Variants in PLEKHG4B observed in about 807,000 individuals in gnomAD.
PLEKHG4B encodes the protein pleckstrin homology and RhoGEF domain containing G4B.
Under a neutral mutation model 121.3 loss-of-function variants are expected in PLEKHG4B, and 111 were observed. The ratio of observed to expected loss-of-function variants is 0.92; its 90% CI spans 0.78 to 1.07. The LOEUF is 1.07. Among genes scored for constraint, PLEKHG4B ranks in the 50% least tolerant of loss-of-function variants. The pLI, the probability that PLEKHG4B is intolerant of heterozygous loss-of-function variation, is 0.00. For synonymous variants in PLEKHG4B, 738 were observed against 725.0 expected (o/e 1.02, Z -0.29); for missense variants, 1,831 against 1,757.8 (o/e 1.04, Z -0.74).
At position 125,511 on chromosome 5, in the gene PLEKHG4B, TAC is replaced by T. The variant is rs1734587013; in HGVS notation, c.243+12065_243+12066del. ...CTTTTGGTTGCTGATGTCAGAAAAT[TAC>T]ATCTTTATACTTTATTAGTATGAAG... is the stretch of plus-strand genomic sequence containing the variant. On this transcript the variant is annotated intron_variant, in intron 2 of 19. Coordinates refer to ENST00000637938, the MANE Select transcript of PLEKHG4B (RefSeq NM_052909.5). 2.0e-5 allele frequency among the ~76,000 whole-genome samples: 3 copies of T among 152,294 alleles called. No homozygotes were observed. In the East Asian group the frequency reaches 5.8e-4, roughly 29 times the overall value.
At chr5:170,559 C>T (rs1480776084) in intron 14 of PLEKHG4B, among the ~76,000 whole-genome samples, 1 of 152,210 alleles carries the variant, frequency 6.6e-6, no homozygotes, top group Admixed American at 6.5e-5. Flanking sequence ...TTCAGCCTCC[C>T]AAAGTGCTGG....
intron 1 of PLEKHG4B, among the ~76,000 whole-genome samples, chr5:92,739 G>A (rs889726267): frequency 2.0e-5 from 3 of 151,968 alleles, no homozygotes; most frequent in African/African-American, 7.3e-5. Context: ...CAGGGGAGGG[G>A]AGTCTGAAAT....
chr5:180,899 C>T (rs1047315444), intron 18 of PLEKHG4B, among the ~76,000 whole-genome samples: 5 of 152,234 alleles, frequency 3.3e-5, no homozygotes, highest in Admixed American at 2.6e-4. Context: ...CTGTAGCACA[C>T]ACACACCGCA....
At chr5:102,587 C>T (rs115521915) in intron 1 of PLEKHG4B, among the ~76,000 whole-genome samples, 266 of 152,304 alleles carry the variant, frequency 1.7e-3, no homozygotes, top group African/African-American at 5.7e-3. Flanking sequence ...CTGTAAGACA[C>T]GAGTTCCCCT....
At chr5:111,469 C>T (rs1410042740) in intron 1 of PLEKHG4B, among the ~76,000 whole-genome samples, 6 of 152,206 alleles carry the variant, frequency 3.9e-5, no homozygotes, top group South Asian at 2.1e-4. Context: ...TTCCTTATGT[C>T]GGGCGGTTGA....
chr5:136,293 C>A (rs990672118), intron 2 of PLEKHG4B, among the ~76,000 whole-genome samples: 1 of 152,104 alleles, frequency 6.6e-6, no homozygotes, highest in African/African-American at 2.4e-5. Context: ...ACCAAAAGCA[C>A]AACCATCAAA....
intron 1 of PLEKHG4B, among the ~76,000 whole-genome samples, chr5:108,217 A>G (rs1347198788): frequency 1.3e-5 from 2 of 152,178 alleles, no homozygotes; most frequent in African/African-American, 2.4e-5. Flanking sequence ...AAGTCAGTGC[A>G]TTAGGAACCA....
intron 18 of PLEKHG4B, 36 bp downstream of exon 18, chr5:174,134 A>C: frequency 3.0e-6 from 4 of 1,319,584 alleles, no homozygotes; most frequent in South Asian, 1.3e-5. Flanking sequence ...TGCCAGGCTC[A>C]GGGGCACAGC....
chr5:156,824 G>T lies in PLEKHG4B; in HGVS notation c.2400G>T (p.Val800=). The T allele has an allele frequency of 6.3e-7, 1 of 1,590,484 alleles. No individual in the cohort carries two copies. Among genetic ancestry groups the T allele is most frequent in the Non-Finnish European group, 8.6e-7 (1 of 1,169,056 alleles). Residue 800 remains valine (V), a synonymous_variant, in exon 11 of 20, where the codon GTG becomes GTT. Coordinates refer to ENST00000637938, the MANE Select transcript of PLEKHG4B (RefSeq NM_052909.5). The surrounding 1 kb of genome is among the most constrained non-coding windows in gnomAD (Gnocchi z 4.4). ...TSLYDRVDEE[V]HRLVLTSNNR... is the part of the protein sequence containing the mutation. ...TGTACGACCGAGTGGATGAGGAGGT[G>T]CACAGGCTGGTCCTCACCTCGAACA...
At position 140,132 on chromosome 5, in the gene PLEKHG4B, C is replaced by T; in HGVS notation, c.893C>T (p.Pro298Leu). ...AAGGTCAGCCCCTCAGAGCAGGGCCCACGGATGCCCCCTGAGAACTGTGGG... is the reference window on the plus strand; with the variant it reads ...AAGGTCAGCCCCTCAGAGCAGGGCCTACGGATGCCCCCTGAGAACTGTGGG... ...FEKVSPSEQG[P>L]RMPPENCGGS... Residue 298 changes from proline (P) to leucine (L), a missense_variant, in exon 3 of 20, where the codon CCA becomes CTA. Pro to Leu is a moderately conservative substitution (Grantham distance 98). Transcript: ENST00000637938. 1.6e-6 allele frequency: 1 copy of T among 619,764 alleles called. No individual in the cohort carries two copies. Among genetic ancestry groups the T allele is most frequent in the Non-Finnish European group, 2.7e-6 (1 of 371,476 alleles). 38.4% of individuals were successfully genotyped at this position (619,764 alleles called of 1,614,324 possible).
chr5:189,854 C>T lies in PLEKHG4B; in HGVS notation c.*7531C>T, dbSNP rs1733742670. On this transcript the variant is annotated 3_prime_UTR_variant, in exon 20 of 20. Transcript: ENST00000637938. ...AAGGAAGGTTCTGGAAACCACTTTT[C>T]AGAACCCAAAAGGTGTCTGGGAAAT... The T allele has an allele frequency of 6.6e-6, 1 of 152,206 alleles. No homozygotes were observed. Among genetic ancestry groups the T allele is most frequent in the East Asian group, 1.9e-4 (1 of 5,184 alleles). 9.4% of individuals were successfully genotyped at this position (152,206 alleles called of 1,614,324 possible). A position where few individuals can be genotyped will look rare whatever the true frequency, so the allele number is the denominator to read the frequency against.
Position 154,880 on chromosome 5 carries a change from G to C in PLEKHG4B, c.1998G>C (p.Glu666Asp), listed in dbSNP as rs998640108. ...CGAGTGCCTCTTCTTGGCAGTGTGA[G>C]GTCGTGAGCTCCCTGAAGGCCGTGC... The part of the protein sequence containing the change: ...RPDKDAIIQC[E>D]VVSSLKAVHK... Residue 666 changes from glutamate (E) to aspartate (D), a missense_variant, in exon 8 of 20, where the codon GAG becomes GAC. Coordinates refer to ENST00000637938, the MANE Select transcript of PLEKHG4B (RefSeq NM_052909.5). 2 of 1,613,500 alleles carry C rather than the reference G, an allele frequency of 1.2e-6. No individual in the cohort carries two copies. The highest frequency in any genetic ancestry group is 4.5e-5 in the East Asian group (2 of 44,872).
chr5:177,710 G>A (rs768241070), intron 18 of PLEKHG4B, among the ~76,000 whole-genome samples: 6 of 152,244 alleles, frequency 3.9e-5, no homozygotes, highest in Non-Finnish European at 7.3e-5. Flanking sequence ...AGCGGGCACC[G>A]AGATCGAGTG....
chr5:143,372 C>T lies in PLEKHG4B; in HGVS notation c.1688-8C>T, dbSNP rs770553451. On this transcript the variant is annotated splice_polypyrimidine_tract_variant and splice_region_variant and intron_variant, in intron 4 of 19. Coordinates refer to ENST00000637938, the MANE Select transcript of PLEKHG4B (RefSeq NM_052909.5). ...CCCTTGGCAGCTGCCCTGTCTCTGT[C>T]TCCGCAGGGACCCGAGACCGTCATG... 4.3e-6 allele frequency: 7 copies of T among 1,611,690 alleles called. No individual in the cohort carries two copies. The highest frequency in any genetic ancestry group is 5.9e-6 in the Non-Finnish European group (7 of 1,179,418).
rs569670523 is a variant in PLEKHG4B at position 169,711 on chromosome 5, G to T, written c.3729+119G>T. The T allele has an allele frequency of 2.7e-4, 391 of 1,444,112 alleles. 6 individuals are homozygous for T. The South Asian group carries it at 4.9e-3, about 18-fold the overall frequency. 89.5% of individuals were successfully genotyped at this position (1,444,112 alleles called of 1,614,324 possible). A position where few individuals can be genotyped will look rare whatever the true frequency, so the allele number is the denominator to read the frequency against. ...TGGAATAGCTTCAGTCCAGGTCTAGGAGCTGGTCCTGACAGGATGTTAAGA... is the reference window on the plus strand; with the variant it reads ...TGGAATAGCTTCAGTCCAGGTCTAGTAGCTGGTCCTGACAGGATGTTAAGA... On this transcript the variant is annotated intron_variant, in intron 14 of 19. Coordinates refer to ENST00000637938, the MANE Select transcript of PLEKHG4B (RefSeq NM_052909.5).
chr5:102,360 T>C (rs1342026302), intron 1 of PLEKHG4B, among the ~76,000 whole-genome samples: 1 of 152,196 alleles, frequency 6.6e-6, no homozygotes, highest in Non-Finnish European at 1.5e-5. Context: ...GAAGTACTGC[T>C]ACCAAAACCA....
At position 182,139 on chromosome 5, in the gene PLEKHG4B, G is replaced by A. The variant is rs116432258; in HGVS notation, c.4700G>A (p.Gly1567Asp). The A allele has an allele frequency of 1.7e-4, 273 of 1,613,916 alleles. No individual in the cohort carries two copies. Among genetic ancestry groups the A allele is most frequent in the Non-Finnish European group, 2.3e-4 (269 of 1,180,036 alleles). The change falls in exon 20 of 20, where the codon GGC becomes GAC. Residue 1567 changes from glycine to aspartate, a missense_variant. Physicochemically the swap from Gly to Asp is moderately conservative, Grantham distance 94. Coordinates refer to ENST00000637938, the MANE Select transcript of PLEKHG4B (RefSeq NM_052909.5). Reference protein sequence around the residue: ...SQSSSILGSLGLLVSSSPAHP... With the variant: ...SQSSSILGSLDLLVSSSPAHP... ...TCCTCCTCCATCCTGGGGTCGCTGGGCCTGCTTGTGTCCTCCAGCCCAGCC... is the reference window on the plus strand; with the variant it reads ...TCCTCCTCCATCCTGGGGTCGCTGGACCTGCTTGTGTCCTCCAGCCCAGCC...
Position 113,355 on chromosome 5 carries a change from C to T in PLEKHG4B, c.150C>T (p.Ala50=), listed in dbSNP as rs1038933393. 1.3e-5 allele frequency: 5 copies of T among 399,018 alleles called. No homozygotes were observed. The highest frequency in any genetic ancestry group is 4.4e-5 in the Admixed American group (1 of 22,726). 24.7% of individuals were successfully genotyped at this position (399,018 alleles called of 1,614,324 possible). Residue 50 remains alanine, a synonymous_variant, in exon 2 of 20, where the codon GCC becomes GCT. Transcript: ENST00000637938. This position sits in a 1 kb window ranked among gnomAD's most constrained non-coding sequence, Gnocchi z 5.2. Reference sequence around the variant, plus strand: ...TGCTCTGGCAGCTGTTCAGCGTGGCCGAGAGGTGCCACGGTGGGGACGGGC... The same window carrying T: ...TGCTCTGGCAGCTGTTCAGCGTGGCTGAGAGGTGCCACGGTGGGGACGGGC... ...ATVLWQLFSV[A]ERCHGGDGLH...
chr5:164,588 T>C (rs575683053), intron 13 of PLEKHG4B, among the ~76,000 whole-genome samples: 1,225 of 84,706 alleles, frequency 0.014, 154 homozygotes, highest in African/African-American at 0.069. Context: ...CACACAGTAA[T>C]GCTGTGACGG....
Sources: gnomAD v4.1 joint callset for allele counts (sites outside exome capture counted in the v4.1 genomes callset) on GRCh38, gnomAD v4.1.1 for gene constraint, Gnocchi (gnomAD v3.1) non-coding constraint, MANE v1.5 for transcripts, NCBI Gene and HGNC (gene_info 2026-07-23, HGNC 2026-07-21) for gene names.